The following MRAP2 variants were observed in gnomAD, a reference collection of about 807,000 sequenced individuals.
The protein encoded by MRAP2 is melanocortin 2 receptor accessory protein 2.
MRAP2 carries 20 observed loss-of-function variants against 17.4 expected under a neutral mutation model. That is an observed-to-expected ratio of 1.15 (90% CI 0.81 to 1.67). MRAP2 has a LOEUF of 1.67. MRAP2 is among the 40% of genes most tolerant of loss of function. The probability of loss-of-function intolerance (pLI) is 0.00; values close to 1 mark genes in which losing one functional copy is unlikely to be tolerated. For missense variants in MRAP2, 238 were observed against 240.0 expected (o/e 0.99, Z 0.05); for synonymous variants, 96 against 88.4 (o/e 1.09, Z -0.48).
chr6:84,134,187 T>C, the MRAP2 span, among the ~76,000 whole-genome samples: 1 of 152,132 alleles, frequency 6.6e-6, no homozygotes, highest in African/African-American at 2.4e-5. Context: ...CAAGCCTCAG[T>C]AATGGTGGAT....
At chr6:84,054,142 G>A (rs538725319) in intron 1 of MRAP2, among the ~76,000 whole-genome samples, 6 of 152,208 alleles carry the variant, frequency 3.9e-5, no homozygotes, top group African/African-American at 9.6e-5. Context: ...CTTTGTTACC[G>A]CTGACATTTC....
rs571908780 is a variant in MRAP2, at chr6:84,090,243, C to T, written c.*762C>T. On this transcript the variant is annotated 3_prime_UTR_variant, in exon 4 of 4. Coordinates refer to ENST00000257776, the MANE Select transcript of MRAP2 (RefSeq NM_138409.4). ...ATCTCTTGTAGGCTCTCTCAAATCT[C>T]TGTACCTTCCACTTAACCCTAATTG... 10 of 152,212 alleles carry T rather than the reference C, an allele frequency of 6.6e-5. No individual in the cohort carries two copies. The highest frequency in any genetic ancestry group is 1.3e-4 in the Non-Finnish European group (9 of 68,066). The allele number at this position is 152,212 out of a possible 1,614,324, so 9.4% of individuals were successfully genotyped here. A position where few individuals can be genotyped will look rare whatever the true frequency, so the allele number is the denominator to read the frequency against.
chr6:84,124,424 C>T, the MRAP2 span: 1 of 152,118 alleles, frequency 6.6e-6, no homozygotes, highest in African/African-American at 2.4e-5. Context: ...TCATTTGCAG[C>T]AACATGGATA....
chr6:84,134,085 G>A, the MRAP2 span, among the ~76,000 whole-genome samples: 38 of 152,296 alleles, frequency 2.5e-4, no homozygotes, highest in East Asian at 2.3e-3. Flanking sequence ...GAGGCATTCC[G>A]GCTATGGCGG....
chr6:84,104,934 A>G, the MRAP2 span, among the ~76,000 whole-genome samples: 1 of 152,214 alleles, frequency 6.6e-6, no homozygotes, highest in African/African-American at 2.4e-5. Context: ...AGTTCCACCA[A>G]TCTCTAGGGC....
the MRAP2 span, among the ~76,000 whole-genome samples, chr6:84,127,092 G>T: frequency 5.9e-5 from 9 of 152,122 alleles, no homozygotes; most frequent in African/African-American, 2.2e-4. Flanking sequence ...GGGATCCAGA[G>T]ATTAAAGACA....
the MRAP2 span, among the ~76,000 whole-genome samples, chr6:84,133,055 T>C: frequency 6.6e-6 from 1 of 152,228 alleles, no homozygotes; most frequent in South Asian, 2.1e-4. Context: ...ATGTCCTTTA[T>C]GTTTGTTAGT....
At chr6:84,093,752 CT>C (rs1349190609), downstream of MRAP2, among the ~76,000 whole-genome samples, 5 of 152,296 alleles carry the variant, frequency 3.3e-5, no homozygotes, top group Admixed American at 2.0e-4. Context: ...ATCTCCACCC[CT>C]GGTAGTGACT....
intron 1 of MRAP2, among the ~76,000 whole-genome samples, chr6:84,036,594 G>A (rs912538990): frequency 6.6e-6 from 1 of 152,122 alleles, no homozygotes; most frequent in African/African-American, 2.4e-5. Flanking sequence ...AGGCAGTGCA[G>A]ACCCAAAGAG....
At chr6:84,054,106 A>G (rs1342141456) in intron 1 of MRAP2, among the ~76,000 whole-genome samples, 1 of 152,188 alleles carries the variant, frequency 6.6e-6, no homozygotes, top group Non-Finnish European at 1.5e-5. Context: ...TTGAAGCTCA[A>G]GATGACTGGT....
At chr6:84,077,624 G>T (rs1455471461) in intron 3 of MRAP2, among the ~76,000 whole-genome samples, 1 of 152,114 alleles carries the variant, frequency 6.6e-6, no homozygotes, top group Non-Finnish European at 1.5e-5. Flanking sequence ...GAACATTCTT[G>T]GTTAAATGTA....
At chr6:84,069,645 G>A (rs1334054248) in intron 3 of MRAP2, among the ~76,000 whole-genome samples, 1 of 152,030 alleles carries the variant, frequency 6.6e-6, no homozygotes, top group Non-Finnish European at 1.5e-5. Context: ...TCTCTATCTT[G>A]TGGAATAGTG....
chr6:84,047,179 A>G (rs988008033), intron 1 of MRAP2, among the ~76,000 whole-genome samples: 1 of 151,662 alleles, frequency 6.6e-6, no homozygotes, highest in Non-Finnish European at 1.5e-5. Context: ...AATTATTTGT[A>G]TTATTTAATT....
intron 1 of MRAP2, 128 bp from the exon 2 acceptor site, chr6:84,055,184 C>T: frequency 1.0e-6 from 1 of 993,216 alleles, no homozygotes; most frequent in South Asian, 1.7e-5. Flanking sequence ...CCTCTCCTGG[C>T]CTAGGAGGTA....
chr6:84,045,204 T>C, intron 1 of MRAP2: 4 of 985,386 alleles, frequency 4.1e-6, no homozygotes, highest in Non-Finnish European at 4.8e-6. Flanking sequence ...TGACTTTATA[T>C]ATATACACAA....
chr6:84,084,887 T>TATTTC (rs1330950748), intron 3 of MRAP2, among the ~76,000 whole-genome samples: 1 of 131,652 alleles, frequency 7.6e-6, no homozygotes, highest in Non-Finnish European at 1.6e-5. Context: ...TATTTTATTT[T>TATTTC]ATTTTATTTT....
At chr6:84,042,554 C>T (rs2099487863) in intron 1 of MRAP2, among the ~76,000 whole-genome samples, 1 of 152,188 alleles carries the variant, frequency 6.6e-6, no homozygotes, top group Non-Finnish European at 1.5e-5. Flanking sequence ...TGCCCTGAGA[C>T]TCTGGGGACT....
rs909282169 is a variant in MRAP2 at position 84,050,536 on chromosome 6, C to T, written c.-7-4776C>T. 3.3e-5 allele frequency among the ~76,000 whole-genome samples: 5 copies of T among 152,310 alleles called. No individual in the cohort carries two copies. The East Asian group carries it at 5.8e-4, about 18-fold the overall frequency. On this transcript the variant is annotated intron_variant, in intron 1 of 3. Transcript: ENST00000257776. The stretch of plus-strand genomic sequence containing the variant: ...GGAGGAAATTAAGCTTCTAAAGTTG[C>T]GATTCTGAAGTTCCCACCTTGGGCT...
At chr6:84,035,336 A>C in intron 1 of MRAP2, 1 of 743,926 alleles carries the variant, frequency 1.3e-6, no homozygotes, top group Middle Eastern at 7.0e-4. Context: ...TTCTAGAACA[A>C]ATTCTTTAAG....
Sources: allele counts gnomAD v4.1 joint callset (sites outside exome capture counted in the v4.1 genomes callset), GRCh38; gene constraint gnomAD v4.1.1; transcripts MANE v1.5; gene names NCBI Gene and HGNC (gene_info 2026-07-23, HGNC 2026-07-21).